Variants in SLC44A2 observed in about 807,000 individuals in gnomAD.
SLC44A2 encodes the protein solute carrier family 44 member 2 (CTL2 blood group).
A neutral mutation model predicts 90.8 loss-of-function variants in SLC44A2; 57 were observed. The observed-to-expected ratio is 0.63, with a 90% CI of 0.51 to 0.78. The LOEUF (loss-of-function observed/expected upper bound fraction) is 0.78, where lower values mean the gene tolerates loss of function less well. Among genes scored for constraint, SLC44A2 ranks in the 30% least tolerant of loss-of-function variants. SLC44A2 has a pLI of 0.00. For synonymous variants in SLC44A2, 355 were observed against 360.7 expected (o/e 0.98, Z 0.18); for missense variants, 794 against 919.7 (o/e 0.86, Z 1.77).
intron 1 of SLC44A2, among the ~76,000 whole-genome samples, chr19:10,608,980 T>C (rs1317291821): frequency 8.2e-5 from 11 of 133,964 alleles, no homozygotes; most frequent in Non-Finnish European, 3.2e-5. Flanking sequence ...TTTTTTGAGA[T>C]GGAGTCTTGC....
At chr19:10,602,467 G>A (rs1917986709), upstream of SLC44A2, 3 of 1,130,070 alleles carry the variant, frequency 2.7e-6, no homozygotes, top group Non-Finnish European at 2.2e-6. Context: ...AGCCCGCGGA[G>A]CCTCCCGCCC....
At chr19:10,643,036 C>A in intron 21 of SLC44A2, 1 of 1,503,572 alleles carries the variant, frequency 6.7e-7, no homozygotes, top group South Asian at 1.3e-5. Context: ...GGGAGACTGG[C>A]GTGGGGGCCA....
upstream of SLC44A2, among the ~76,000 whole-genome samples, chr19:10,624,302 CT>C (rs1210528416): frequency 6.6e-6 from 1 of 151,572 alleles, no homozygotes; most frequent in East Asian, 1.9e-4. Context: ...AGCCTATTTT[CT>C]TTTTTCTTTT....
intron 20 of SLC44A2, chr19:10,641,403 A>C (rs867156802): frequency 3.8e-5 from 17 of 449,526 alleles, no homozygotes; most frequent in Admixed American, 1.5e-4. Flanking sequence ...CAAAAAAAAA[A>C]CAAAAAAAAA....
chr19:10,630,140 G>C lies in SLC44A2; in HGVS notation c.246-917G>C, dbSNP rs1323856516. Among the ~76,000 whole-genome samples, 61 of 152,106 alleles carry C rather than the reference G, an allele frequency of 4.0e-4. 1 individual carries two copies. Among genetic ancestry groups the C allele is most frequent in the Non-Finnish European group, 2.9e-5 (2 of 68,008 alleles). ...GTACTTAGGGAGGCCCAGACTGGAGGATTGCTTGACACCAGCCTGGGCAAC... is the reference window on the plus strand; with the variant it reads ...GTACTTAGGGAGGCCCAGACTGGAGCATTGCTTGACACCAGCCTGGGCAAC... On this transcript the variant is annotated intron_variant, in intron 4 of 21. Transcript: ENST00000335757.
chr19:10,638,239 T>G lies in SLC44A2; in HGVS notation c.1853T>G (p.Phe618Cys), dbSNP rs1385168936. Residue 618 changes from phenylalanine to cysteine, a missense_variant, in exon 20 of 22, where the codon TTC becomes TGC. Physicochemically the swap from Phe to Cys is radical, Grantham distance 205. Transcript: ENST00000335757. Reference sequence around the variant, plus strand: ...TCTCCTTCTCCAGGGATCCTGGCTTTCTTCTTCTTCACCCACCGTATCAGG... The same window carrying G: ...TCTCCTTCTCCAGGGATCCTGGCTTGCTTCTTCTTCACCCACCGTATCAGG... ...LIVGSVGILAFFFFTHRIRIV... is the reference protein window; with the variant it reads ...LIVGSVGILACFFFTHRIRIV... The G allele has an allele frequency of 7.4e-6, 12 of 1,613,916 alleles. No individual in the cohort carries two copies. The Admixed American group carries it at 2.0e-4, about 27-fold the overall frequency.
chr19:10,639,667 T>A lies in SLC44A2; in HGVS notation c.1929+1352T>A, dbSNP rs550602094. On this transcript the variant is annotated intron_variant, in intron 20 of 21. Transcript: ENST00000335757. ...GCTGAGGCAGGTGGATCACCTGAGG[T>A]CAGGGGTTTGAGACTAGCCTTGCCA... is the stretch of plus-strand genomic sequence containing the variant. Among the ~76,000 whole-genome samples the A allele has an allele frequency of 1.1e-4, 17 of 151,940 alleles. No individual in the cohort carries two copies. The East Asian group carries it at 3.3e-3, about 29-fold the overall frequency.
intron 1 of SLC44A2, among the ~76,000 whole-genome samples, chr19:10,618,171 ATT>A (rs548727188): frequency 0.11 from 12,320 of 112,612 alleles, 868 homozygotes; most frequent in East Asian, 0.43. Flanking sequence ...TGCCTGGCTA[ATT>A]TTTTTTTTTT....
chr19:10,628,056 T>G (rs773817140), intron 4 of SLC44A2, 52 bp downstream of exon 4: 2 of 1,469,304 alleles, frequency 1.4e-6, no homozygotes, highest in Non-Finnish European at 1.9e-6. Flanking sequence ...GGGCAGAAGA[T>G]TCTAGGCATT....
At chr19:10,624,934 A>C (rs2066918159), upstream of SLC44A2, among the ~76,000 whole-genome samples, 1 of 152,194 alleles carries the variant, frequency 6.6e-6, no homozygotes, top group African/African-American at 2.4e-5. Context: ...CAGGAGTTAA[A>C]GATGAGCCTG....
intron 1 of SLC44A2, among the ~76,000 whole-genome samples, chr19:10,606,514 A>G (rs1245386585): frequency 6.6e-6 from 1 of 152,034 alleles, no homozygotes; most frequent in Non-Finnish European, 1.5e-5. Flanking sequence ...TGTCTCTACT[A>G]AAAATACAAA....
chr19:10,634,915 C>A, intron 11 of SLC44A2, 28 bp downstream of exon 11: 1 of 1,614,198 alleles, frequency 6.2e-7, no homozygotes, highest in Non-Finnish European at 8.5e-7. Context: ...ATTCCTGCCC[C>A]CACATGAGGC....
rs1321289460 is a variant in SLC44A2 at position 10,636,730 on chromosome 19, TC to T, written c.1566del (p.Glu523SerfsTer7). On this transcript the variant is annotated frameshift_variant, in exon 16 of 22. Coordinates refer to ENST00000335757, the MANE Select transcript of SLC44A2 (RefSeq NM_020428.4). LOFTEE classifies it high-confidence loss of function. Reference protein sequence around the residue: ...LAIVQIIRVILEYLDQRLKAA... With the variant: ...LAIVQIIRVIXEYLDQRLKAA... Reference sequence around the variant, plus strand: ...ATTGTGCAGATCATCCGTGTGATACTCGAGTACCTGGATCAGCGGCTGAAAG... The same window carrying T: ...ATTGTGCAGATCATCCGTGTGATACTGAGTACCTGGATCAGCGGCTGAAAG... 1 of 1,613,792 alleles carries T rather than the reference TC, an allele frequency of 6.2e-7. No individual in the cohort carries two copies. Among genetic ancestry groups the T allele is most frequent in the African/African-American group, 1.3e-5 (1 of 74,908 alleles).
At chr19:10,636,136 C>T (rs983181016) in intron 14 of SLC44A2, 187 bp from the exon 15 acceptor site, 8 of 685,816 alleles carry the variant, frequency 1.2e-5, no homozygotes, top group African/African-American at 5.4e-5. Flanking sequence ...GTGATGGCCA[C>T]GTCTTGTTTC....
chr19:10,620,353 C>T (rs376877563), intron 1 of SLC44A2, among the ~76,000 whole-genome samples: 2 of 151,868 alleles, frequency 1.3e-5, no homozygotes, highest in East Asian at 1.9e-4. Flanking sequence ...TAGTGGTGTG[C>T]GCCTGTAATT....
chr19:10,613,668 G>A (rs2066831337), intron 1 of SLC44A2, among the ~76,000 whole-genome samples: 1 of 152,120 alleles, frequency 6.6e-6, no homozygotes, highest in Admixed American at 6.6e-5. Flanking sequence ...GCAACATAGT[G>A]AGACCCCGTC....
chr19:10,642,371 T>C lies in SLC44A2; in HGVS notation c.1934T>C (p.Val645Ala), dbSNP rs762375251. 9 of 1,613,916 alleles carry C rather than the reference T, an allele frequency of 5.6e-6. No individual in the cohort carries two copies. The highest frequency in any genetic ancestry group is 7.6e-6 in the Non-Finnish European group (9 of 1,179,972). ...LNYYWVPILT[V>A]IVGSYLIAHG... ...AGCTCGTTTCTCCTTGCCCAGACGGTGATCGTTGGCTCCTACTTGATTGCA... is the reference window on the plus strand; with the variant it reads ...AGCTCGTTTCTCCTTGCCCAGACGGCGATCGTTGGCTCCTACTTGATTGCA... Residue 645 changes from valine (V) to alanine (A), a missense_variant, in exon 21 of 22, where the codon GTG (valine) becomes GCG (alanine). Physicochemically the swap from Val to Ala is moderately conservative, Grantham distance 64. Transcript: ENST00000335757.
intron 20 of SLC44A2, among the ~76,000 whole-genome samples, chr19:10,638,600 A>T (rs955325635): frequency 2.0e-5 from 3 of 151,770 alleles, no homozygotes; most frequent in Non-Finnish European, 4.4e-5. Flanking sequence ...GCCTGCCCCC[A>T]CACCTGCCTA....
chr19:10,629,430 A>T (rs940099126), intron 4 of SLC44A2, among the ~76,000 whole-genome samples: 1 of 151,292 alleles, frequency 6.6e-6, no homozygotes, highest in Non-Finnish European at 1.5e-5. Context: ...GGCATATGCC[A>T]CCATGCCCAG....
Sources: gnomAD v4.1 joint callset for allele counts (sites outside exome capture counted in the v4.1 genomes callset) on GRCh38, gnomAD v4.1.1 for gene constraint, MANE v1.5 for transcripts, NCBI Gene and HGNC (gene_info 2026-07-23, HGNC 2026-07-21) for gene names.